PPM1B: variants seen among roughly 807,000 people sequenced by gnomAD.
PPM1B encodes protein phosphatase 1B.
In PPM1B, 22 loss-of-function variants were observed where a neutral mutation model predicts 43.0. The observed-to-expected ratio is 0.51, with a 90% CI of 0.37 to 0.73. The LOEUF (loss-of-function observed/expected upper bound fraction) is 0.73. Among genes scored for constraint, PPM1B ranks in the 30% least tolerant of loss-of-function variants. PPM1B has a pLI of 0.00. For missense variants in PPM1B, 632 were observed against 584.2 expected (o/e 1.08, Z -0.84); for synonymous variants, 217 against 197.9 (o/e 1.10, Z -0.81).
At chr2:44,237,121 A>T (rs1670643434), downstream of PPM1B, among the ~76,000 whole-genome samples, 1 of 152,208 alleles carries the variant, frequency 6.6e-6, no homozygotes. Context: ...ACTGAAATGA[A>T]GTTACTTGCT....
intron 2 of PPM1B, among the ~76,000 whole-genome samples, chr2:44,205,530 G>A (rs1558412158): frequency 6.6e-6 from 1 of 151,980 alleles, no homozygotes; most frequent in African/African-American, 2.4e-5. Flanking sequence ...TCTCACTTAG[G>A]GAACCACTGC....
chr2:44,235,518 G>T (rs942192667), downstream of PPM1B, among the ~76,000 whole-genome samples: 1 of 148,848 alleles, frequency 6.7e-6, no homozygotes, highest in Non-Finnish European at 1.5e-5. Context: ...CAGGATAATT[G>T]CTTGAACCCA....
chr2:44,199,327 A>T lies in PPM1B; in HGVS notation c.-14-1859A>T, dbSNP rs866089796. On this transcript the variant is annotated intron_variant, in intron 1 of 5. Transcript: ENST00000282412. The stretch of plus-strand genomic sequence containing the variant: ...TCAAAAAAAAAAAAAATAAAAATAA[A>T]AAAAAAAAAAATTGAGCCAGGTATG... 3.5e-3 allele frequency among the ~76,000 whole-genome samples: 489 copies of T among 140,218 alleles called. 2 individuals carry two copies. Among genetic ancestry groups the T allele is most frequent in the African/African-American group, 0.013 (471 of 36,394 alleles). 92.0% of individuals were successfully genotyped at this position (140,218 alleles called of 152,430 possible). A position where few individuals can be genotyped will look rare whatever the true frequency, so the allele number is the denominator to read the frequency against.
intron 1 of PPM1B, among the ~76,000 whole-genome samples, chr2:44,193,522 T>C (rs1203408092): frequency 6.6e-6 from 1 of 152,014 alleles, no homozygotes; most frequent in East Asian, 1.9e-4. Context: ...GCTTCCCTAG[T>C]AGCTAGGACT....
In PPM1B at chr2:44,227,301, T is replaced by A. The variant is rs182439629; in HGVS notation, c.1135-3112T>A. Among the ~76,000 whole-genome samples the A allele has an allele frequency of 7.7e-3, 1,179 of 152,152 alleles. 9 individuals are homozygous for A. Among genetic ancestry groups the A allele is most frequent in the South Asian group, 0.024 (117 of 4,812 alleles). On this transcript the variant is annotated intron_variant, in intron 5 of 5. Coordinates refer to ENST00000282412, the MANE Select transcript of PPM1B (RefSeq NM_002706.6). ...AGAAACTTTATTTAGGGAAACATGT[T>A]TTAAGTCCACATAATAAATTTTGCA...
At chr2:44,217,742 A>T (rs1669787955) in intron 3 of PPM1B, 1 of 306,948 alleles carries the variant, frequency 3.3e-6, no homozygotes, top group South Asian at 1.1e-4. Context: ...GCTGGAATGA[A>T]CATACATATG....
intron 5 of PPM1B, among the ~76,000 whole-genome samples, chr2:44,229,221 C>G (rs1355174843): frequency 1.3e-5 from 2 of 151,268 alleles, no homozygotes; most frequent in Non-Finnish European, 2.9e-5. Flanking sequence ...TCTGTATAAC[C>G]ATAATACCAT....
In PPM1B at chr2:44,196,100, A is replaced by G. The variant is rs564738125; in HGVS notation, c.-14-5086A>G. ...ACAATTAATGAGCCAATACTGATAC[A>G]TTGTTAACTAAAGCCCATAAAGCCC... On this transcript the variant is annotated intron_variant, in intron 1 of 5. Coordinates refer to ENST00000282412, the MANE Select transcript of PPM1B (RefSeq NM_002706.6). Among the ~76,000 whole-genome samples, 5 of 152,320 alleles carry G rather than the reference A, an allele frequency of 3.3e-5. No individual in the cohort carries two copies. In the East Asian group the frequency reaches 5.8e-4, roughly 18 times the overall value.
chr2:44,228,421 A>C (rs935803246), intron 5 of PPM1B, among the ~76,000 whole-genome samples: 2 of 152,016 alleles, frequency 1.3e-5, no homozygotes, highest in Non-Finnish European at 2.9e-5. Context: ...GAATCCTCCT[A>C]CCCGTCTCCC....
intron 3 of PPM1B, among the ~76,000 whole-genome samples, chr2:44,209,922 A>C (rs1669379688): frequency 6.6e-6 from 1 of 152,298 alleles, no homozygotes; most frequent in Admixed American, 6.5e-5. Context: ...TGTCTGTTTC[A>C]CCACCAAAGA....
intron 5 of PPM1B, among the ~76,000 whole-genome samples, chr2:44,226,163 G>A (rs994585023): frequency 1.3e-5 from 2 of 151,888 alleles, no homozygotes; most frequent in African/African-American, 2.4e-5. Context: ...TTTTAGTAGA[G>A]ACAGGGTTTC....
intron 1 of PPM1B, among the ~76,000 whole-genome samples, chr2:44,194,614 T>C (rs1668569509): frequency 6.6e-6 from 1 of 151,918 alleles, no homozygotes; most frequent in Admixed American, 6.6e-5. Context: ...TCCCAGCTAC[T>C]TGGGAGGCTG....
At chr2:44,198,916 G>T (rs762246450) in intron 1 of PPM1B, among the ~76,000 whole-genome samples, 9 of 152,170 alleles carry the variant, frequency 5.9e-5, no homozygotes, top group Non-Finnish European at 1.2e-4. Context: ...GTATTTTGCA[G>T]TTGAAAATTT....
At chr2:44,246,710 C>G (rs1052049882), downstream of PPM1B, among the ~76,000 whole-genome samples, 3 of 152,202 alleles carry the variant, frequency 2.0e-5, no homozygotes, top group East Asian at 1.9e-4. Flanking sequence ...TCACTTTGAC[C>G]TATTCCTCTA....
chr2:44,215,760 AAAAG>A (rs1257067104), intron 3 of PPM1B, among the ~76,000 whole-genome samples: 5 of 152,236 alleles, frequency 3.3e-5, no homozygotes, highest in Non-Finnish European at 7.3e-5. Context: ...ATATAGCAGA[AAAAG>A]AAATCTCATA....
At chr2:44,198,229 C>G (rs546878757) in intron 1 of PPM1B, among the ~76,000 whole-genome samples, 7 of 152,094 alleles carry the variant, frequency 4.6e-5, no homozygotes, top group African/African-American at 7.2e-5. Context: ...GGCACGATCC[C>G]GGCTCACCAC....
At chr2:44,192,661 A>G (rs558460392) in intron 1 of PPM1B, among the ~76,000 whole-genome samples, 1 of 152,210 alleles carries the variant, frequency 6.6e-6, no homozygotes, top group Non-Finnish European at 1.5e-5. Context: ...TTACATAATT[A>G]TTATTTATTT....
Position 44,201,856 on chromosome 2 carries a change from T to C in PPM1B, c.657T>C (p.Leu219=), listed in dbSNP as rs1234705361. 6.2e-7 allele frequency: 1 copy of C among 1,614,184 alleles called. No homozygotes were observed. Among genetic ancestry groups the C allele is most frequent in the Admixed American group, 1.7e-5 (1 of 60,018 alleles). Reference sequence around the variant, plus strand: ...ATGGCAAGGGCCCAACAGAACAACTTGTTTCTCCAGAGCCTGAGGTTTATG... The same window carrying C: ...ATGGCAAGGGCCCAACAGAACAACTCGTTTCTCCAGAGCCTGAGGTTTATG... ...CVDGKGPTEQ[L]VSPEPEVYEI... The change falls in exon 2 of 6, where the codon CTT becomes CTC. Residue 219 remains leucine (L), a synonymous_variant. Coordinates refer to ENST00000282412, the MANE Select transcript of PPM1B (RefSeq NM_002706.6). The surrounding 1 kb of genome is among the most constrained non-coding windows in gnomAD (Gnocchi z 5.4).
intron 5 of PPM1B, among the ~76,000 whole-genome samples, chr2:44,221,361 C>T (rs1312194309): frequency 6.6e-6 from 1 of 152,120 alleles, no homozygotes; most frequent in East Asian, 1.9e-4. Context: ...CTGAAAAATA[C>T]CGCAGAAGGA....
Sources: allele counts gnomAD v4.1 joint callset (sites outside exome capture counted in the v4.1 genomes callset), GRCh38; gene constraint gnomAD v4.1.1; non-coding constraint Gnocchi (gnomAD v3.1); transcripts MANE v1.5; gene names NCBI Gene and HGNC (gene_info 2026-07-23, HGNC 2026-07-21).